IFT52: variants seen among roughly 807,000 people sequenced by gnomAD.
IFT52 encodes the protein intraflagellar transport protein 52 homolog.
A neutral mutation model predicts 54.4 loss-of-function variants in IFT52; 44 were observed. That is an observed-to-expected ratio of 0.81 (90% CI 0.63 to 1.04). The LOEUF (loss-of-function observed/expected upper bound fraction) is 1.04. IFT52 is among the 50% of genes least tolerant of loss of function. The pLI is 0.00. For synonymous variants in IFT52, 181 were observed against 185.3 expected (o/e 0.98, Z 0.19); for missense variants, 452 against 523.6 (o/e 0.86, Z 1.33).
intron 1 of IFT52, among the ~76,000 whole-genome samples, chr20:43,593,359 A>T (rs1981682987): frequency 6.6e-6 from 1 of 152,316 alleles, no homozygotes; most frequent in African/African-American, 2.4e-5. Context: ...AATGAGTATA[A>T]CTTTTTGGAG....
At chr20:43,618,161 G>T (rs1390460854) in intron 7 of IFT52, 3 of 150,552 alleles carry the variant, frequency 2.0e-5, no homozygotes, top group Admixed American at 1.3e-4. Context: ...TTAAAATTAT[G>T]ATCTTCGTTT....
At chr20:43,641,142 CTA>C (rs1347023837) in intron 12 of IFT52, among the ~76,000 whole-genome samples, 1 of 151,478 alleles carries the variant, frequency 6.6e-6, no homozygotes, top group Non-Finnish European at 1.5e-5. Flanking sequence ...CTTCACAGAG[CTA>C]TGTTGTTGGT....
chr20:43,618,961 G>A lies in IFT52; in HGVS notation c.634G>A (p.Val212Met), dbSNP rs1214457469. The A allele has an allele frequency of 6.2e-7, 1 of 1,613,898 alleles. No homozygotes were observed. The highest frequency in any genetic ancestry group is 2.2e-5 in the East Asian group (1 of 44,892). ...HSKNQGGKLA[V>M]LGSCHMFSDQ... is the part of the protein sequence containing the mutation. Reference sequence around the variant, plus strand: ...ATAGAACCAAGGTGGGAAGCTGGCAGTGCTTGGTTCATGTCACATGTTCAG... The same window carrying A: ...ATAGAACCAAGGTGGGAAGCTGGCAATGCTTGGTTCATGTCACATGTTCAG... Residue 212 changes from valine to methionine, a missense_variant, in exon 8 of 14, where the codon GTG becomes ATG. Val to Met is a conservative substitution (Grantham distance 21). Transcript: ENST00000373030.
intron 13 of IFT52, among the ~76,000 whole-genome samples, chr20:43,646,518 C>G (rs1385519282): frequency 6.6e-6 from 1 of 152,020 alleles, no homozygotes; most frequent in African/African-American, 2.4e-5. Context: ...TGGCAGTTAC[C>G]GTGGTCTAAG....
At chr20:43,612,703 CA>C (rs1198789781) in intron 6 of IFT52, among the ~76,000 whole-genome samples, 3 of 53,580 alleles carry the variant, frequency 5.6e-5, no homozygotes, top group Non-Finnish European at 1.3e-4. Flanking sequence ...AAAAACAAAA[CA>C]AAACAAACAA....
At chr20:43,597,462 A>G (rs571467520) in intron 3 of IFT52, among the ~76,000 whole-genome samples, 1 of 152,194 alleles carries the variant, frequency 6.6e-6, no homozygotes, top group African/African-American at 2.4e-5. Flanking sequence ...TGATAAATGT[A>G]AGGCCCAGAA....
chr20:43,609,775 CAAAAAAAAAAA>C (rs57268776), intron 6 of IFT52, among the ~76,000 whole-genome samples: 1 of 47,198 alleles, frequency 2.1e-5, no homozygotes, highest in East Asian at 5.4e-4. Flanking sequence ...AACTCCGTCT[CAAAAAAAAAAA>C]AAAAAAAAAA....
At chr20:43,603,659 A>AT in intron 3 of IFT52, 101 bp from the exon 4 acceptor site, 2 of 1,073,780 alleles carry the variant, frequency 1.9e-6, no homozygotes, top group South Asian at 2.9e-5. Context: ...TGCCTTATAG[A>AT]TTTGAAATAT....
At chr20:43,623,068 T>C (rs1984461308) in intron 9 of IFT52, among the ~76,000 whole-genome samples, 1 of 152,086 alleles carries the variant, frequency 6.6e-6, no homozygotes, top group Non-Finnish European at 1.5e-5. Flanking sequence ...AGATAGGGCC[T>C]GGATGCTAGG....
chr20:43,625,007 G>T (rs540129637), intron 10 of IFT52, among the ~76,000 whole-genome samples: 2 of 152,042 alleles, frequency 1.3e-5, no homozygotes, highest in African/African-American at 4.8e-5. Flanking sequence ...GCAAGTATTT[G>T]TGGCACAACT....
At chr20:43,634,005 A>T (rs1568793880) in intron 10 of IFT52, among the ~76,000 whole-genome samples, 1 of 151,456 alleles carries the variant, frequency 6.6e-6, no homozygotes, top group Non-Finnish European at 1.5e-5. Flanking sequence ...CCCTACTAAA[A>T]TTTTTTTTTA....
rs186258687 is a variant in IFT52 at position 43,627,575 on chromosome 20, G to A, written c.923+3530G>A. 7.2e-4 allele frequency among the ~76,000 whole-genome samples: 109 copies of A among 152,278 alleles called. 1 individual carries two copies. The highest frequency in any genetic ancestry group is 2.4e-3 in the African/African-American group (100 of 41,570). On this transcript the variant is annotated intron_variant, in intron 10 of 13. Coordinates refer to ENST00000373030, the MANE Select transcript of IFT52 (RefSeq NM_016004.5). ...CTGGAGGAAGTAAGGTCAAGAAGGT[G>A]TTTTTTGGATGGAAGAAGTCACAGG...
At chr20:43,597,047 C>A (rs1433145715) in intron 3 of IFT52, among the ~76,000 whole-genome samples, 2 of 150,970 alleles carry the variant, frequency 1.3e-5, no homozygotes, top group African/African-American at 4.9e-5. Flanking sequence ...AGCCAGTAGC[C>A]ACATTTCTTT....
At chr20:43,592,953 T>C (rs944233247) in intron 1 of IFT52, among the ~76,000 whole-genome samples, 1 of 152,028 alleles carries the variant, frequency 6.6e-6, no homozygotes, top group African/African-American at 2.4e-5. Flanking sequence ...ATTTAAAAAT[T>C]AGCTGGACAC....
rs778429054 is a variant in IFT52, at chr20:43,647,170, C to T, written c.*187C>T. 165 of 580,218 alleles carry T rather than the reference C, an allele frequency of 2.8e-4. No individual in the cohort carries two copies. The highest frequency in any genetic ancestry group is 4.6e-4 in the Non-Finnish European group (151 of 328,026). 35.9% of individuals were successfully genotyped at this position (580,218 alleles called of 1,614,324 possible). ...TTTCACAAAATCCTTATGTAAGATA[C>T]ATTCCATTTTTAAAAATTAAATGTA... On this transcript the variant is annotated 3_prime_UTR_variant, in exon 14 of 14. Transcript: ENST00000373030.
intron 7 of IFT52, among the ~76,000 whole-genome samples, chr20:43,618,567 C>T (rs1472655726): frequency 7.9e-5 from 12 of 152,024 alleles, no homozygotes; most frequent in African/African-American, 2.4e-4. Flanking sequence ...CTGCAACCTC[C>T]GCCTCCTAAG....
chr20:43,623,578 G>A (rs764360699), intron 9 of IFT52, among the ~76,000 whole-genome samples: 1 of 152,206 alleles, frequency 6.6e-6, no homozygotes, highest in South Asian at 2.1e-4. Flanking sequence ...ATTGCTGAGC[G>A]CTCAAGATCA....
intron 12 of IFT52, among the ~76,000 whole-genome samples, chr20:43,640,479 A>T (rs1004794932): frequency 7.9e-5 from 12 of 151,866 alleles, no homozygotes; most frequent in African/African-American, 2.2e-4. Flanking sequence ...AAAAGAAAAT[A>T]AAAAAAATGC....
At chr20:43,600,697 G>A (rs1295410006) in intron 3 of IFT52, among the ~76,000 whole-genome samples, 8 of 152,158 alleles carry the variant, frequency 5.3e-5, no homozygotes, top group African/African-American at 1.4e-4. Flanking sequence ...TGAGCTGGGC[G>A]CAGTAGCTTA....
Sources: gnomAD v4.1 joint callset for allele counts (sites outside exome capture counted in the v4.1 genomes callset) on GRCh38, gnomAD v4.1.1 for gene constraint, MANE v1.5 for transcripts, NCBI Gene and HGNC (gene_info 2026-07-23, HGNC 2026-07-21) for gene names.